NPAS3: variants seen among roughly 807,000 people sequenced by gnomAD.
NPAS3 encodes neuronal PAS domain-containing protein 3.
A neutral mutation model predicts 73.1 loss-of-function variants in NPAS3; 14 were observed. That is an observed-to-expected ratio of 0.19 (90% CI 0.13 to 0.30). The LOEUF is 0.30. NPAS3 is among the 10% of genes least tolerant of loss of function. The probability of loss-of-function intolerance (pLI) is 1.00; values close to 1 mark genes in which losing one functional copy is unlikely to be tolerated. For synonymous variants in NPAS3, 620 were observed against 541.5 expected, an observed-to-expected ratio of 1.14 and a Z score of -2.01; for missense variants, 1,096 against 1,250.0, an observed-to-expected ratio of 0.88 and a Z score of 1.86.
At chr14:33,655,870 C>G (rs945852444) in intron 5 of NPAS3, among the ~76,000 whole-genome samples, 1 of 152,180 alleles carries the variant, frequency 6.6e-6, no homozygotes, top group South Asian at 2.1e-4. Flanking sequence ...AAAGTCATAC[C>G]GTTTGCATCA....
At chr14:33,419,766 A>G (rs868122634) in intron 4 of NPAS3, among the ~76,000 whole-genome samples, 1 of 151,916 alleles carries the variant, frequency 6.6e-6, no homozygotes, top group Admixed American at 6.6e-5. Flanking sequence ...TTTGTCTTAT[A>G]TTGATGATGG....
rs545143409 is a variant in NPAS3, at chr14:33,607,240, T to C, written c.558+47030T>C. ...AATGAATGTTCACAGTAGCTTTGTT[T>C]GTAATAGTCAAAAACTGGAAACATT... On this transcript the variant is annotated intron_variant, in intron 5 of 11. Coordinates refer to ENST00000356141, the Ensembl canonical transcript of NPAS3. Among the ~76,000 whole-genome samples, 3 of 152,352 alleles carry C rather than the reference T, an allele frequency of 2.0e-5. No homozygotes were observed. The East Asian group carries it at 5.8e-4, about 29-fold the overall frequency.
chr14:33,123,789 ATCAAT>A (rs2043321472), intron 2 of NPAS3, among the ~76,000 whole-genome samples: 1 of 152,002 alleles, frequency 6.6e-6, no homozygotes, highest in African/African-American at 2.4e-5. Context: ...CAGCCTTAAA[ATCAAT>A]TAGTGTCAAT....
At chr14:33,524,698 AGT>A in intron 4 of NPAS3, among the ~76,000 whole-genome samples, 1 of 152,280 alleles carries the variant, frequency 6.6e-6, no homozygotes, top group Middle Eastern at 3.4e-3. Context: ...GTAGGCTAGA[AGT>A]GTGAGATTAA....
At chr14:33,369,127 AC>A (rs2045967037) in intron 4 of NPAS3, among the ~76,000 whole-genome samples, 1 of 152,118 alleles carries the variant, frequency 6.6e-6, no homozygotes, top group South Asian at 2.1e-4. Context: ...TGCTAAATCA[AC>A]ATTATACTTC....
At chr14:33,695,694 A>ATTC (rs1339305682) in intron 6 of NPAS3, among the ~76,000 whole-genome samples, 1 of 152,244 alleles carries the variant, frequency 6.6e-6, no homozygotes, top group African/African-American at 2.4e-5. Flanking sequence ...AAACTAAATT[A>ATTC]TTCTGACTTG....
chr14:33,051,430 T>G (rs575793311), intron 1 of NPAS3, among the ~76,000 whole-genome samples: 13 of 152,322 alleles, frequency 8.5e-5, no homozygotes, highest in African/African-American at 1.4e-4. Context: ...AGTATACTCA[T>G]GTTGTTTTTC....
In NPAS3 at chr14:33,491,485, T is replaced by G. The variant is rs994865754; in HGVS notation, c.469-68636T>G. 1.6e-4 allele frequency among the ~76,000 whole-genome samples: 24 copies of G among 152,276 alleles called. 2 individuals are homozygous for G. The highest frequency in any genetic ancestry group is 1.5e-3 in the Admixed American group (23 of 15,292). ...TCTAAGATGGTAGGCACTAGCCGCC[T>G]GTGGCCGTGAGCACTAGGATTGTGG... On this transcript the variant is annotated intron_variant, in intron 4 of 11. Transcript: ENST00000356141.
intron 5 of NPAS3, among the ~76,000 whole-genome samples, chr14:33,591,987 T>A (rs2057084719): frequency 6.6e-6 from 1 of 150,414 alleles, no homozygotes. Context: ...CTTCACAACA[T>A]TGCTGTGATG....
At chr14:33,157,646 G>T (rs928489994) in intron 2 of NPAS3, among the ~76,000 whole-genome samples, 1 of 152,188 alleles carries the variant, frequency 6.6e-6, no homozygotes, top group African/African-American at 2.4e-5. Context: ...GGTGATCCAT[G>T]ATTCAGGAAA....
intron 3 of NPAS3, among the ~76,000 whole-genome samples, chr14:33,313,976 A>G (rs1038459537): frequency 6.6e-6 from 1 of 152,132 alleles, no homozygotes; most frequent in African/African-American, 2.4e-5. Flanking sequence ...CAATGTACAT[A>G]GCCTAGGTAT....
rs2040949271 is a variant in NPAS3 at position 33,057,962 on chromosome 14, G to A, written c.140+1968G>A. Among the ~76,000 whole-genome samples, 4 of 152,092 alleles carry A rather than the reference G, an allele frequency of 2.6e-5. No individual in the cohort carries two copies. The South Asian group carries it at 8.3e-4, about 31-fold the overall frequency. On this transcript the variant is annotated intron_variant, in intron 2 of 11. Transcript: ENST00000356141. ...AAGCACACTGAAGAGAAAAGGCCGGGTATTCCGATTTTATCTTCCTATTTT... is the reference window on the plus strand; with the variant it reads ...AAGCACACTGAAGAGAAAAGGCCGGATATTCCGATTTTATCTTCCTATTTT...
At chr14:33,438,991 A>C (rs2139247176) in intron 4 of NPAS3, among the ~76,000 whole-genome samples, 2 of 152,326 alleles carry the variant, frequency 1.3e-5, no homozygotes, top group Middle Eastern at 6.8e-3. Context: ...AAGGTCGGAC[A>C]TGTGAAATAC....
chr14:32,994,717 C>T (rs1195967688), intron 1 of NPAS3, among the ~76,000 whole-genome samples: 3 of 150,696 alleles, frequency 2.0e-5, no homozygotes, highest in Non-Finnish European at 4.4e-5. Context: ...CTGTAACCTC[C>T]ACCTCCCAGG....
intron 1 of NPAS3, among the ~76,000 whole-genome samples, chr14:33,004,996 A>G (rs1247138870): frequency 6.6e-6 from 1 of 151,902 alleles, no homozygotes; most frequent in Admixed American, 6.6e-5. Flanking sequence ...GTCATCTCCT[A>G]TGATAGCAAT....
At chr14:33,154,818 T>C (rs917898134) in intron 2 of NPAS3, among the ~76,000 whole-genome samples, 1 of 152,194 alleles carries the variant, frequency 6.6e-6, no homozygotes, top group Non-Finnish European at 1.5e-5. Flanking sequence ...GATTTTGATA[T>C]TGTTATTTTA....
intron 7 of NPAS3, among the ~76,000 whole-genome samples, chr14:33,745,491 G>C (rs185861860): frequency 6.6e-6 from 1 of 152,160 alleles, no homozygotes. Flanking sequence ...CAATACAACC[G>C]TCTTCATAAG....
chr14:33,395,895 T>C (rs996489453), intron 4 of NPAS3, among the ~76,000 whole-genome samples: 17 of 152,138 alleles, frequency 1.1e-4, no homozygotes, highest in Non-Finnish European at 2.1e-4. Context: ...TCATCTTATC[T>C]CCCCAGATAA....
intron 1 of NPAS3, among the ~76,000 whole-genome samples, chr14:33,047,278 T>G (rs2040542238): frequency 6.6e-6 from 1 of 152,174 alleles, no homozygotes. Context: ...ATATGCAAGG[T>G]TAATCAGCAA....
Sources: allele counts gnomAD v4.1 joint callset (sites outside exome capture counted in the v4.1 genomes callset), GRCh38; gene constraint gnomAD v4.1.1; transcripts MANE v1.5; gene names NCBI Gene and HGNC (gene_info 2026-07-23, HGNC 2026-07-21).